OSMR: variants seen among roughly 807,000 people sequenced by gnomAD.
OSMR encodes the protein oncostatin M receptor.
OSMR carries 81 observed loss-of-function variants against 99.9 expected under a neutral mutation model. The observed-to-expected ratio is 0.81, with a 90% CI of 0.68 to 0.97. The LOEUF (loss-of-function observed/expected upper bound fraction) is 0.97, where lower values mean the gene tolerates loss of function less well. Among genes scored for constraint, OSMR ranks in the 50% least tolerant of loss-of-function variants. The pLI, the probability that OSMR is intolerant of heterozygous loss-of-function variation, is 0.00. For missense variants in OSMR, 1,099 were observed against 1,153.4 expected (o/e 0.95, Z 0.68); for synonymous variants, 406 against 410.4 (o/e 0.99, Z 0.13).
intron 1 of OSMR, chr5:38,942,277 G>A (rs1259146358): frequency 1.5e-6 from 2 of 1,309,670 alleles, no homozygotes; most frequent in South Asian, 2.6e-5. Context: ...TATATAGTAT[G>A]TATCTATATC....
At chr5:38,925,486 C>A in intron 15 of OSMR, 115 bp downstream of exon 15, 2 of 867,142 alleles carry the variant, frequency 2.3e-6, no homozygotes, top group South Asian at 1.4e-5. Context: ...TTTCTTCTCC[C>A]CTTCTCACCT....
intron 1 of OSMR, among the ~76,000 whole-genome samples, chr5:38,856,729 AC>A (rs1244789099): frequency 2.0e-5 from 3 of 151,870 alleles, no homozygotes; most frequent in East Asian, 3.9e-4. Flanking sequence ...GCACCCTTGA[AC>A]TCCCAGAAAC....
Position 38,883,939 on chromosome 5 carries a change from A to G in OSMR, c.531A>G (p.Val177=), listed in dbSNP as rs1196746695. ...TTTCTAGGAACATTCAAAATAATGT[A>G]TCCTGTTATTTGGAAGGGAAACAGA... ...CYVSRNIQNN[V]SCYLEGKQIH... Residue 177 remains valine (V), a synonymous_variant, in exon 5 of 18, where the codon GTA becomes GTG. Transcript: ENST00000274276. The G allele has an allele frequency of 6.2e-7, 1 of 1,613,720 alleles. No homozygotes were observed. The highest frequency in any genetic ancestry group is 1.1e-5 in the South Asian group (1 of 91,062).
At chr5:38,936,263 A>G (rs1000337779), downstream of OSMR, among the ~76,000 whole-genome samples, 12 of 148,220 alleles carry the variant, frequency 8.1e-5, no homozygotes, top group African/African-American at 3.2e-4. Context: ...GCAAATCATG[A>G]TATCATGATT....
At chr5:38,925,074 T>G in intron 14 of OSMR, 130 bp from the exon 15 acceptor site, 1 of 1,506,750 alleles carries the variant, frequency 6.6e-7, no homozygotes, top group African/African-American at 1.4e-5. Flanking sequence ...TTGATTTTTG[T>G]TTGGTATAAA....
chr5:38,925,285 T>C lies in OSMR; in HGVS notation c.2126T>C (p.Phe709Ser), dbSNP rs1746424971. ...LIVDNLKPESFYEFFITPFTS... is the reference protein window; with the variant it reads ...LIVDNLKPESSYEFFITPFTS... ...GTGGACAACCTAAAGCCAGAATCCT[T>C]CTATGAGTTTTTCATCACTCCATTC... The change falls in exon 15 of 18, where the codon TTC (phenylalanine) becomes TCC (serine). Residue 709 changes from phenylalanine (F) to serine (S), a missense_variant. By Grantham distance (155) the Phe-to-Ser change is radical. Transcript: ENST00000274276. 1 of 1,613,972 alleles carries C rather than the reference T, an allele frequency of 6.2e-7. No homozygotes were observed. The highest frequency in any genetic ancestry group is 8.5e-7 in the Non-Finnish European group (1 of 1,179,996).
At chr5:38,855,626 C>T (rs555717025) in intron 1 of OSMR, among the ~76,000 whole-genome samples, 2 of 152,156 alleles carry the variant, frequency 1.3e-5, no homozygotes, top group Non-Finnish European at 2.9e-5. Context: ...CCACTGCTCA[C>T]TGCTTCCACG....
rs1747813069 is a variant in OSMR, at chr5:38,943,363, AAATAGC to A, written c.75-836_75-831del. 2.5e-5 allele frequency: 4 copies of A among 163,068 alleles called. No homozygotes were observed. The South Asian group carries it at 6.4e-4, about 26-fold the overall frequency. The allele number at this position is 163,068 out of a possible 1,614,324, so 10.1% of individuals were successfully genotyped here. On this transcript the variant is annotated intron_variant and NMD_transcript_variant, in intron 1 of 2. Transcript: ENST00000508882. ...ACTGGGCTATTTCTTTGGATACTTC[AAATAGC>A]AGCTTTTAGCTAGGAAAGCACCTCA...
At chr5:38,883,023 A>G (rs1339403499) in intron 4 of OSMR, among the ~76,000 whole-genome samples, 1 of 152,200 alleles carries the variant, frequency 6.6e-6, no homozygotes, top group Admixed American at 6.5e-5. Flanking sequence ...TATTAAAAAG[A>G]TAGTAAGAGG....
At chr5:38,923,336 C>T (rs1174908534) in intron 13 of OSMR, 82 bp downstream of exon 13, 1 of 880,798 alleles carries the variant, frequency 1.1e-6, no homozygotes, top group Non-Finnish European at 1.9e-6. Flanking sequence ...GTTTAGGAAG[C>T]TGTCAGCACC....
chr5:38,876,437 T>C (rs555967388), intron 3 of OSMR, 64 bp downstream of exon 3: 3 of 1,334,538 alleles, frequency 2.2e-6, no homozygotes, highest in Non-Finnish European at 2.1e-6. Flanking sequence ...CTTGGTTTTC[T>C]TTTATAACAT....
chr5:38,864,933 C>A (rs568590944), intron 1 of OSMR, among the ~76,000 whole-genome samples: 1 of 152,208 alleles, frequency 6.6e-6, no homozygotes, highest in South Asian at 2.1e-4. Context: ...CATTTAAGTT[C>A]TTCTCTCTGT....
intron 11 of OSMR, 127 bp from the exon 12 acceptor site, chr5:38,921,488 A>C: frequency 6.5e-7 from 1 of 1,529,906 alleles, no homozygotes; most frequent in Non-Finnish European, 8.8e-7. Flanking sequence ...AGCACCTGTA[A>C]CTATTGAAGT....
chr5:38,898,847 TAAC>T (rs888023568), intron 7 of OSMR, among the ~76,000 whole-genome samples: 2 of 151,832 alleles, frequency 1.3e-5, no homozygotes, highest in Non-Finnish European at 2.9e-5. Flanking sequence ...TTTAAGCTGA[TAAC>T]AACATAATAC....
chr5:38,908,553 A>C (rs1025346051), intron 9 of OSMR, among the ~76,000 whole-genome samples: 1 of 152,198 alleles, frequency 6.6e-6, no homozygotes, highest in Non-Finnish European at 1.5e-5. Flanking sequence ...CGGCCTCTCC[A>C]ACACAGCAGG....
At position 38,919,082 on chromosome 5, in the gene OSMR, CT is replaced by C. The variant is rs1393896965; in HGVS notation, c.1585+24del. 1.2e-6 allele frequency: 2 copies of C among 1,613,178 alleles called. No individual in the cohort carries two copies. Among genetic ancestry groups the C allele is most frequent in the Non-Finnish European group, 1.7e-6 (2 of 1,179,452 alleles). On this transcript the variant is annotated intron_variant, in intron 11 of 17. Transcript: ENST00000274276. Reference sequence around the variant, plus strand: ...AAAACAGTGAGTTTGTTTTCATTTTCTTTTGTTTTTATTCTCTAGGAAAATG... The same window carrying C: ...AAAACAGTGAGTTTGTTTTCATTTTCTTTGTTTTTATTCTCTAGGAAAATG...
intron 2 of OSMR, among the ~76,000 whole-genome samples, chr5:38,870,573 C>G (rs535989873): frequency 2.6e-4 from 39 of 152,276 alleles, no homozygotes; most frequent in African/African-American, 8.9e-4. Flanking sequence ...TTGCTTGCAG[C>G]TTGCAGAGTC....
intron 7 of OSMR, among the ~76,000 whole-genome samples, chr5:38,898,109 T>C (rs1019644341): frequency 1.3e-5 from 2 of 152,186 alleles, no homozygotes; most frequent in Non-Finnish European, 2.9e-5. Context: ...AAATATCTAT[T>C]AGGGCCATTT....
At position 38,933,028 on chromosome 5, in the gene OSMR, C is replaced by CCAA. The variant is rs1392053216; in HGVS notation, c.2527_2529dup (p.Thr843dup). 2 of 1,614,182 alleles carry CCAA rather than the reference C, an allele frequency of 1.2e-6. No homozygotes were observed. The highest frequency in any genetic ancestry group is 3.3e-5 in the Admixed American group (2 of 60,026). ...TAAGCCTAACTACCTTTATCTCCTT[C>CCAA]CAACAGAAAAGAATCACTCTGGCCC... On this transcript the variant is annotated inframe_insertion, in exon 18 of 18. Coordinates refer to ENST00000274276, the MANE Select transcript of OSMR (RefSeq NM_003999.3).
Sources: allele counts gnomAD v4.1 joint callset (sites outside exome capture counted in the v4.1 genomes callset), GRCh38; gene constraint gnomAD v4.1.1; transcripts MANE v1.5; gene names NCBI Gene and HGNC (gene_info 2026-07-23, HGNC 2026-07-21).